The following BIRC7 variants were observed in gnomAD, a reference collection of about 807,000 sequenced individuals.
The protein encoded by BIRC7 is baculoviral IAP repeat containing 7.
In BIRC7, 26 loss-of-function variants were observed where a neutral mutation model predicts 33.2. The observed-to-expected ratio is 0.78, with a 90% CI of 0.57 to 1.09. The LOEUF (loss-of-function observed/expected upper bound fraction) is 1.09. Ranked by LOEUF, BIRC7 falls within the 50% of genes least tolerant of loss-of-function variation. The pLI is 0.00. For synonymous variants in BIRC7, 176 were observed against 171.0 expected (o/e 1.03, Z -0.23); for missense variants, 409 against 401.2 (o/e 1.02, Z -0.17).
Position 63,236,316 on chromosome 20 carries a change from A to G in BIRC7, c.220A>G (p.Thr74Ala), listed in dbSNP as rs754184374. Residue 74 changes from threonine to alanine, a missense_variant, in exon 1 of 7, where the codon ACC becomes GCC. By Grantham distance (58) the Thr-to-Ala change is moderately conservative (BLOSUM62 0). Coordinates refer to ENST00000217169, the MANE Select transcript of BIRC7 (RefSeq NM_139317.3). ...EEEEEEGAGA[T>A]LSRGPAFPGM... ...GGAAGAGGAGGAGGGCGCCGGGGCC[A>G]CCTTGTCCAGGGGGCCTGCCTTCCC... is the stretch of plus-strand genomic sequence containing the variant. 8.7e-6 allele frequency: 14 copies of G among 1,609,122 alleles called. No individual in the cohort carries two copies. In the South Asian group the frequency reaches 1.5e-4, roughly 18 times the overall value.
At chr20:63,238,517 G>A (rs2066706828) in intron 3 of BIRC7, 40 bp downstream of exon 3, 13 of 1,613,008 alleles carry the variant, frequency 8.1e-6, no homozygotes, top group South Asian at 1.1e-5. Context: ...GTGGCAGTGG[G>A]GTCCTGCCCC....
Position 63,235,935 on chromosome 20 carries a change from T to C in BIRC7, c.-162T>C. 1 of 868,698 alleles carries C rather than the reference T, an allele frequency of 1.2e-6. No homozygotes were observed. Among genetic ancestry groups the C allele is most frequent in the Non-Finnish European group, 1.7e-6 (1 of 597,014 alleles). The allele number at this position is 868,698 out of a possible 1,614,324, so 53.8% of individuals were successfully genotyped here. On this transcript the variant is annotated 5_prime_UTR_variant, in exon 1 of 7. Coordinates refer to ENST00000217169, the MANE Select transcript of BIRC7 (RefSeq NM_139317.3). The stretch of plus-strand genomic sequence containing the variant: ...CAGAAAGCTGTGGGCCCTGGGATAC[T>C]CCCCTCCCAGGGTGTCTGGTGGCAG...
intron 1 of BIRC7, among the ~76,000 whole-genome samples, chr20:63,236,684 T>C (rs938061160): frequency 6.6e-6 from 1 of 152,220 alleles, no homozygotes; most frequent in African/African-American, 2.4e-5. Context: ...GGGCTGCCTC[T>C]GGCCACAGTC....
chr20:63,239,559 T>A lies in BIRC7; in HGVS notation c.851T>A (p.Ile284Asn), dbSNP rs756835832. ...GCCCCCGGCCTGCAGCTGTGCCCCA[T>A]CTGCAGAGCCCCCGTCCGCAGCCGC... ...ECAPGLQLCP[I>N]CRAPVRSRVR... Residue 284 changes from isoleucine to asparagine, a missense_variant, in exon 6 of 7, where the codon ATC (isoleucine) becomes AAC (asparagine). Ile to Asn is a moderately radical substitution (Grantham distance 149). Coordinates refer to ENST00000217169, the MANE Select transcript of BIRC7 (RefSeq NM_139317.3). 1.2e-6 allele frequency: 2 copies of A among 1,602,682 alleles called. No individual in the cohort carries two copies. The highest frequency in any genetic ancestry group is 2.2e-5 in the South Asian group (2 of 91,006).
chr20:63,238,450 G>A lies in BIRC7; in HGVS notation c.504G>A (p.Glu168=). ...GAGACTTTGTCCACAGTGTGCAGGA[G>A]ACTCACTCCCAGCTGCTGGGCTCCT... ...KGRDFVHSVQ[E]THSQLLGSWD... Residue 168 remains glutamate (E), a synonymous_variant, in exon 3 of 7, where the codon GAG becomes GAA. Transcript: ENST00000217169. 3 of 1,612,702 alleles carry A rather than the reference G, an allele frequency of 1.9e-6. No homozygotes were observed. Among genetic ancestry groups the A allele is most frequent in the Non-Finnish European group, 1.7e-6 (2 of 1,179,960 alleles).
At chr20:63,238,794 G>A (rs550504547) in intron 4 of BIRC7, 180 bp downstream of exon 4, 10 of 809,442 alleles carry the variant, frequency 1.2e-5, no homozygotes, top group African/African-American at 5.2e-5. Flanking sequence ...GGGGCGGGGC[G>A]GCAGGGGCCT....
In BIRC7 at chr20:63,239,107, C is replaced by T. The variant is rs573312483; in HGVS notation, c.578-55C>T. ...ACAGGCTGCAGACCTGTATCTGGGC[C>T]GGCCCAGCTTTCTCCTTGGGAGTTA... is the stretch of plus-strand genomic sequence containing the variant. On this transcript the variant is annotated intron_variant, in intron 4 of 6. Transcript: ENST00000217169. 1.6e-4 allele frequency: 243 copies of T among 1,565,392 alleles called. No individual in the cohort carries two copies. In the South Asian group the frequency reaches 1.6e-3, roughly 10 times the overall value.
At chr20:63,238,746 C>T (rs767425561) in intron 4 of BIRC7, 132 bp downstream of exon 4, 3 of 1,317,000 alleles carry the variant, frequency 2.3e-6, no homozygotes, top group East Asian at 2.3e-5. Context: ...GACGCTGCTG[C>T]CTGGGTTGGC....
In BIRC7 at chr20:63,239,183, A is replaced by C. The variant is rs770171399; in HGVS notation, c.599A>C (p.Glu200Ala). Residue 200 changes from glutamate to alanine, a missense_variant, in exon 5 of 7, where the codon GAG becomes GCG. Transcript: ENST00000217169. ...APSVPASGYP[E>A]LPTPRREVQS... ...ACAGTCCCTGCCTCTGGGTACCCTG[A>C]GCTGCCCACACCCAGGAGAGAGGTC... 5.6e-6 allele frequency: 9 copies of C among 1,612,758 alleles called. 1 individual carries two copies. In the South Asian group the frequency reaches 9.9e-5, roughly 18 times the overall value.
chr20:63,240,017 C>T (rs577634871), intron 6 of BIRC7, among the ~76,000 whole-genome samples: 11 of 152,346 alleles, frequency 7.2e-5, no homozygotes, highest in South Asian at 6.2e-4. Flanking sequence ...AACACCTGCA[C>T]GGGAAGGGGG....
rs771286092 is a variant in BIRC7 at position 63,239,208 on chromosome 20, C to A, written c.624C>A (p.Val208=). Residue 208 remains valine, a synonymous_variant, in exon 5 of 7, where the codon GTC becomes GTA. Coordinates refer to ENST00000217169, the MANE Select transcript of BIRC7 (RefSeq NM_139317.3). ...AGCTGCCCACACCCAGGAGAGAGGT[C>A]CAGTCTGAAAGTGCCCAGGAGCCAG... The part of the protein sequence containing the change: ...YPELPTPRRE[V]QSESAQEPGG... The A allele has an allele frequency of 3.7e-6, 6 of 1,612,686 alleles. No homozygotes were observed. In the East Asian group the frequency reaches 1.3e-4, roughly 36 times the overall value.
chr20:63,239,701 T>C (rs2066721784), intron 6 of BIRC7, 91 bp downstream of exon 6: 1 of 1,433,266 alleles, frequency 7.0e-7, no homozygotes, highest in Admixed American at 2.6e-5. Flanking sequence ...ATGCAGGCCC[T>C]TCCCGGGTGG....
intron 5 of BIRC7, 56 bp from the exon 6 acceptor site, chr20:63,239,302 G>T: frequency 6.2e-7 from 1 of 1,605,860 alleles, no homozygotes; most frequent in Non-Finnish European, 8.5e-7. Flanking sequence ...ACCTTCCATG[G>T]CCCATAGAGG....
chr20:63,239,325 G>A (rs765257076), intron 5 of BIRC7, 33 bp from the exon 6 acceptor site: 5 of 1,603,364 alleles, frequency 3.1e-6, no homozygotes, highest in Non-Finnish European at 4.2e-6. Context: ...GGGGGCCAGG[G>A]TGTGGGGACA....
chr20:63,236,740 C>T (rs2066691668), intron 1 of BIRC7, among the ~76,000 whole-genome samples: 1 of 152,196 alleles, frequency 6.6e-6, no homozygotes, highest in South Asian at 2.1e-4. Flanking sequence ...CACAAGTACC[C>T]CTTTGTGATA....
intron 1 of BIRC7, 70 bp downstream of exon 1, chr20:63,236,515 C>A (rs1481384215): frequency 3.7e-5 from 55 of 1,472,688 alleles, no homozygotes; most frequent in Non-Finnish European, 4.8e-5. Flanking sequence ...CAGCCCAGGG[C>A]TCTGCCTCCT....
In BIRC7 at chr20:63,235,923, G is replaced by A; in HGVS notation, c.-174G>A. 1 of 774,716 alleles carries A rather than the reference G, an allele frequency of 1.3e-6. No homozygotes were observed. Among genetic ancestry groups the A allele is most frequent in the Non-Finnish European group, 1.9e-6 (1 of 515,798 alleles). 48.0% of individuals were successfully genotyped at this position (774,716 alleles called of 1,614,324 possible). A position where few individuals can be genotyped will look rare whatever the true frequency, so the allele number is the denominator to read the frequency against. ...CCTGGCCACTTCCAGAAAGCTGTGG[G>A]CCCTGGGATACTCCCCTCCCAGGGT... On this transcript the variant is annotated 5_prime_UTR_variant, in exon 1 of 7. Transcript: ENST00000217169.
intron 1 of BIRC7, 124 bp downstream of exon 1, chr20:63,236,569 G>C (rs564892993): frequency 1.5e-6 from 2 of 1,346,332 alleles, no homozygotes; most frequent in South Asian, 2.0e-5. Context: ...GCCTGATGAC[G>C]GAGCAGTGGT....
rs1309048866 is a variant in BIRC7 at position 63,239,732 on chromosome 20, C to T, written c.*5+122C>T. On this transcript the variant is annotated intron_variant, in intron 6 of 6. Coordinates refer to ENST00000217169, the MANE Select transcript of BIRC7 (RefSeq NM_139317.3). ...GGTGGCAGCGTCAGCTTGTTTTTAC[C>T]CGGCTCCCAGGTCCCGCTGATAGCG... 4 of 1,327,896 alleles carry T rather than the reference C, an allele frequency of 3.0e-6. No homozygotes were observed. In the African/African-American group the frequency reaches 5.9e-5, roughly 20 times the overall value. The allele number at this position is 1,327,896 out of a possible 1,614,324, so 82.3% of individuals were successfully genotyped here. A position where few individuals can be genotyped will look rare whatever the true frequency, so the allele number is the denominator to read the frequency against.
Sources: gnomAD v4.1 joint callset for allele counts (sites outside exome capture counted in the v4.1 genomes callset) on GRCh38, gnomAD v4.1.1 for gene constraint, MANE v1.5 for transcripts, NCBI Gene and HGNC (gene_info 2026-07-23, HGNC 2026-07-21) for gene names.